The following NAV3 variants were observed in gnomAD, a reference collection of about 807,000 sequenced individuals.
NAV3 encodes neuron navigator 3, also known as pore membrane and/or filament interacting like protein 1.
A neutral mutation model predicts 244.7 loss-of-function variants in NAV3; 87 were observed. That is an observed-to-expected ratio of 0.36 (90% confidence interval 0.30 to 0.42). The LOEUF (loss-of-function observed/expected upper bound fraction) is 0.42, where lower values mean the gene tolerates loss of function less well. Among genes scored for constraint, NAV3 ranks in the 20% least tolerant of loss-of-function variants. NAV3 has a pLI of 1.00. For synonymous variants in NAV3, 1,126 were observed against 1,042.2 expected, an observed-to-expected ratio of 1.08 and a Z score of -1.55; for missense variants, 2,663 against 2,893.3, an observed-to-expected ratio of 0.92 and a Z score of 1.83.
rs1953239638 is a variant in NAV3, at chr12:78,079,519, A to G, written c.2636+20404A>G. 4.6e-5 allele frequency among the ~76,000 whole-genome samples: 7 copies of G among 152,186 alleles called. No homozygotes were observed. In the South Asian group the frequency reaches 1.4e-3, roughly 31 times the overall value. On this transcript the variant is annotated intron_variant, in intron 12 of 39. Coordinates refer to ENST00000397909, the MANE Select transcript of NAV3 (RefSeq NM_001024383.2). ...TGTTTCACAATCCCAAACCTACTTT[A>G]AAAGGACGATTATAAAGATTACATA...
intron 7 of NAV3, among the ~76,000 whole-genome samples, chr12:78,006,009 A>C (rs1283728550): frequency 6.6e-6 from 1 of 152,200 alleles, no homozygotes; most frequent in Admixed American, 6.5e-5. Flanking sequence ...CCCGAGTTCA[A>C]GCATTATACA....
intron 1 of NAV3, among the ~76,000 whole-genome samples, chr12:77,893,461 T>TC (rs1884189781): frequency 6.6e-6 from 1 of 152,182 alleles, no homozygotes; most frequent in Admixed American, 6.5e-5. Flanking sequence ...TGTATTGATA[T>TC]TAGAGTTGAA....
At chr12:77,631,504 A>G (rs1871897770) in intron 2 of NAV3, among the ~76,000 whole-genome samples, 1 of 151,898 alleles carries the variant, frequency 6.6e-6, no homozygotes, top group South Asian at 2.1e-4. Context: ...TCATTAGCAG[A>G]GTCTCAGAAA....
At chr12:77,815,552 G>A (rs1872496557) in intron 2 of NAV3, among the ~76,000 whole-genome samples, 1 of 152,004 alleles carries the variant, frequency 6.6e-6, no homozygotes, top group Admixed American at 6.6e-5. Context: ...TCCTGATATA[G>A]CTCCTGATGA....
chr12:77,760,809 T>C (rs1869423163), intron 2 of NAV3, among the ~76,000 whole-genome samples: 2 of 152,284 alleles, frequency 1.3e-5, no homozygotes, highest in South Asian at 4.1e-4. Flanking sequence ...CAAGCTCAAG[T>C]GTGAGTCAGG....
At chr12:77,672,075 C>T (rs1425343982) in intron 2 of NAV3, among the ~76,000 whole-genome samples, 1 of 151,960 alleles carries the variant, frequency 6.6e-6, no homozygotes, top group Non-Finnish European at 1.5e-5. Context: ...AACAAGCAAT[C>T]CCATCAAAAA....
rs972255309 is a variant in NAV3, at chr12:77,736,744, G to C, written c.72+164478G>C. 5.3e-5 allele frequency among the ~76,000 whole-genome samples: 8 copies of C among 152,330 alleles called. No homozygotes were observed. In the East Asian group the frequency reaches 1.5e-3, roughly 29 times the overall value. ...AGGATGCCAAAGAAATTAAGTTCAA[G>C]CTACAGTGTGCATTCTCACTGCCCT... On this transcript the variant is annotated intron_variant, in intron 2 of 8. Coordinates refer to the NAV3 transcript ENST00000550042.
At chr12:77,826,302 G>A (rs1873000677), upstream of NAV3, among the ~76,000 whole-genome samples, 1 of 152,160 alleles carries the variant, frequency 6.6e-6, no homozygotes, top group South Asian at 2.1e-4. Context: ...GAGGTCAGGA[G>A]TTCGAGACCA....
chr12:77,837,349 T>C (rs1427606306), intron 1 of NAV3, among the ~76,000 whole-genome samples: 6 of 152,162 alleles, frequency 3.9e-5, no homozygotes, highest in African/African-American at 1.2e-4. Flanking sequence ...AAAGATCTTA[T>C]GTAAGAATGA....
At chr12:77,730,151 C>T (rs1005312711) in intron 2 of NAV3, among the ~76,000 whole-genome samples, 9 of 151,872 alleles carry the variant, frequency 5.9e-5, no homozygotes, top group African/African-American at 2.2e-4. Flanking sequence ...TGCTAAGTAT[C>T]CCAGGGAATT....
chr12:77,999,034 C>T (rs1257516258), intron 7 of NAV3, among the ~76,000 whole-genome samples: 3 of 152,100 alleles, frequency 2.0e-5, no homozygotes, highest in African/African-American at 7.2e-5. Context: ...ATCACAAAAT[C>T]AAGGACATTA....
intron 3 of NAV3, among the ~76,000 whole-genome samples, chr12:77,951,519 C>G (rs1890879259): frequency 6.6e-6 from 1 of 152,120 alleles, no homozygotes; most frequent in African/African-American, 2.4e-5. Flanking sequence ...GGCGGTTGCT[C>G]AAGGATCTGG....
intron 5 of NAV3, among the ~76,000 whole-genome samples, chr12:77,992,319 G>A (rs191401891): frequency 1.2e-3 from 177 of 152,194 alleles, no homozygotes; most frequent in African/African-American, 4.1e-3. Context: ...GATAAACATC[G>A]GAATTGATGG....
At chr12:77,976,674 CTTTTT>C (rs869041498) in intron 5 of NAV3, among the ~76,000 whole-genome samples, 1 of 83,430 alleles carries the variant, frequency 1.2e-5, no homozygotes, top group Non-Finnish European at 2.3e-5. Flanking sequence ...TTCTTTTTTT[CTTTTT>C]TTTTTTTTTT....
At chr12:78,108,829 A>G (rs886466435) in intron 12 of NAV3, among the ~76,000 whole-genome samples, 3 of 152,120 alleles carry the variant, frequency 2.0e-5, no homozygotes, top group African/African-American at 7.2e-5. Context: ...GGAAGTTTAT[A>G]GCAATAAATG....
chr12:77,597,858 A>C (rs933119673), intron 2 of NAV3, among the ~76,000 whole-genome samples: 2 of 152,080 alleles, frequency 1.3e-5, no homozygotes, highest in Non-Finnish European at 2.9e-5. Context: ...TCAGGTAAGC[A>C]TACAGTTTTA....
chr12:78,045,290 T>C (rs2137141890), intron 9 of NAV3, among the ~76,000 whole-genome samples: 1 of 152,212 alleles, frequency 6.6e-6, no homozygotes, highest in Admixed American at 6.5e-5. Flanking sequence ...AACTTGATCG[T>C]GGTGGATAAG....
intron 2 of NAV3, among the ~76,000 whole-genome samples, chr12:77,733,120 A>G (rs1815256457): frequency 6.6e-6 from 1 of 152,016 alleles, no homozygotes; most frequent in African/African-American, 2.4e-5. Flanking sequence ...TGGAAATATC[A>G]GAGGAGGGGA....
chr12:77,960,677 C>CAT (rs1487592144), intron 3 of NAV3, among the ~76,000 whole-genome samples: 1 of 146,768 alleles, frequency 6.8e-6, no homozygotes, highest in East Asian at 2.0e-4. Flanking sequence ...GATTATATTA[C>CAT]ATATATAGTA....
Sources: gnomAD v4.1 joint callset for allele counts (sites outside exome capture counted in the v4.1 genomes callset) on GRCh38, gnomAD v4.1.1 for gene constraint, MANE v1.5 for transcripts, NCBI Gene and HGNC (gene_info 2026-07-23, HGNC 2026-07-21) for gene names.